CADPS2: variants seen among roughly 807,000 people sequenced by gnomAD.
CADPS2 encodes the protein calcium dependent secretion activator 2.
Under a neutral mutation model 172.5 loss-of-function variants are expected in CADPS2, and 93 were observed. The ratio of observed to expected loss-of-function variants is 0.54; its 90% CI spans 0.46 to 0.64. The LOEUF is 0.64. Ranked by LOEUF, CADPS2 falls within the 30% of genes least tolerant of loss-of-function variation. The pLI is 0.00. For synonymous variants in CADPS2, 546 were observed against 555.2 expected, an observed-to-expected ratio of 0.98 and a Z score of 0.23; for missense variants, 1,420 against 1,565.9, an observed-to-expected ratio of 0.91 and a Z score of 1.57.
intron 8 of CADPS2, among the ~76,000 whole-genome samples, chr7:122,537,431 T>C (rs2062421811): frequency 6.6e-6 from 1 of 151,470 alleles, no homozygotes; most frequent in South Asian, 2.1e-4. Context: ...GAGAATGAAA[T>C]TAAAGATAAA....
intron 27 of CADPS2, among the ~76,000 whole-genome samples, chr7:122,348,788 G>A (rs1484370032): frequency 6.6e-6 from 1 of 152,114 alleles, no homozygotes; most frequent in Non-Finnish European, 1.5e-5. Flanking sequence ...AATTAGAATT[G>A]TAGTTCTTTA....
chr7:122,851,063 G>A (rs1487775752), intron 1 of CADPS2, among the ~76,000 whole-genome samples: 1 of 152,174 alleles, frequency 6.6e-6, no homozygotes, highest in Non-Finnish European at 1.5e-5. Flanking sequence ...TCACTGTAAT[G>A]AGTTATAATT....
chr7:122,333,604 C>T (rs1585069746), intron 28 of CADPS2, among the ~76,000 whole-genome samples: 1 of 152,210 alleles, frequency 6.6e-6, no homozygotes, highest in African/African-American at 2.4e-5. Context: ...GCCTTTAAGA[C>T]TCAGCTCAAT....
At chr7:122,446,971 T>G (rs2052306893) in intron 15 of CADPS2, among the ~76,000 whole-genome samples, 1 of 152,070 alleles carries the variant, frequency 6.6e-6, no homozygotes, top group Non-Finnish European at 1.5e-5. Context: ...TTTAAATTGT[T>G]TTGGGTGGGA....
At chr7:122,629,877 A>G (rs1413949908) in intron 3 of CADPS2, among the ~76,000 whole-genome samples, 6 of 152,128 alleles carry the variant, frequency 3.9e-5, no homozygotes, top group Admixed American at 3.9e-4. Context: ...TTGGCACCAT[A>G]TTAGAAATCC....
chr7:122,447,162 T>G (rs755988200), intron 15 of CADPS2, among the ~76,000 whole-genome samples: 2 of 151,754 alleles, frequency 1.3e-5, no homozygotes, highest in Admixed American at 6.6e-5. Context: ...CTACATTACA[T>G]TAGTTATGAG....
intron 3 of CADPS2, among the ~76,000 whole-genome samples, chr7:122,636,571 T>C (rs1324428159): frequency 6.7e-6 from 1 of 148,664 alleles, no homozygotes; most frequent in Non-Finnish European, 1.5e-5. Flanking sequence ...GTTCAAGCAA[T>C]TCTCCTGCCT....
chr7:122,693,297 C>G (rs1224349560), intron 2 of CADPS2, among the ~76,000 whole-genome samples: 1 of 152,180 alleles, frequency 6.6e-6, no homozygotes, highest in African/African-American at 2.4e-5. Context: ...AGTTGAAATT[C>G]TGCCCTTCAT....
chr7:122,699,489 A>G (rs2136221805), intron 2 of CADPS2, among the ~76,000 whole-genome samples: 1 of 152,356 alleles, frequency 6.6e-6, no homozygotes, highest in South Asian at 2.1e-4. Flanking sequence ...GATGTGAGGC[A>G]AAAGTGGTGA....
chr7:122,663,396 G>A lies in CADPS2; in HGVS notation c.627C>T (p.Ala209=), dbSNP rs113324996. ...ACAAGTCCTCTTCACCTCTGTAAAT[G>A]GCATCATATTTGGCTATCCATGAGC... ...VLSSWIAKYD[A]IYRGEEDLCK... The change falls in exon 3 of 30, where the codon GCC becomes GCT. Residue 209 remains alanine, a synonymous_variant. Coordinates refer to ENST00000449022, the MANE Select transcript of CADPS2 (RefSeq NM_017954.11). The A allele has an allele frequency of 2.3e-4, 378 of 1,613,870 alleles. No individual in the cohort carries two copies. The African/African-American group carries it at 4.4e-3, about 19-fold the overall frequency.
intron 3 of CADPS2, among the ~76,000 whole-genome samples, chr7:122,634,685 T>C (rs998488875): frequency 2.0e-5 from 3 of 152,164 alleles, no homozygotes; most frequent in Non-Finnish European, 4.4e-5. Context: ...TGATTTTAGT[T>C]ATTTCTTCTG....
chr7:122,692,094 C>A (rs747636733), intron 2 of CADPS2, among the ~76,000 whole-genome samples: 17 of 152,188 alleles, frequency 1.1e-4, no homozygotes, highest in Non-Finnish European at 2.1e-4. Context: ...TACACTTCCA[C>A]CTGACTGCAG....
chr7:122,720,747 G>A (rs911884005), intron 2 of CADPS2, among the ~76,000 whole-genome samples: 2 of 151,874 alleles, frequency 1.3e-5, no homozygotes, highest in Non-Finnish European at 2.9e-5. Flanking sequence ...CCTAGTTTCA[G>A]ATTGAAAACT....
chr7:122,673,875 T>C (rs547448563), intron 2 of CADPS2, among the ~76,000 whole-genome samples: 23 of 139,868 alleles, frequency 1.6e-4, no homozygotes, highest in East Asian at 1.4e-3. Context: ...GTGGTGCCTG[T>C]TGGGGAGGCT....
chr7:122,653,766 G>A (rs1046589557), intron 3 of CADPS2, among the ~76,000 whole-genome samples: 1 of 152,080 alleles, frequency 6.6e-6, no homozygotes, highest in Non-Finnish European at 1.5e-5. Flanking sequence ...TCTGTGATCC[G>A]TGATCTTTGA....
intron 27 of CADPS2, among the ~76,000 whole-genome samples, chr7:122,347,174 A>G: frequency 6.6e-6 from 1 of 152,188 alleles, no homozygotes; most frequent in East Asian, 1.9e-4. Flanking sequence ...GTTAAAGAGG[A>G]TATGGGTCAT....
intron 27 of CADPS2, among the ~76,000 whole-genome samples, chr7:122,351,099 T>C (rs926123969): frequency 6.6e-6 from 1 of 151,320 alleles, no homozygotes; most frequent in Non-Finnish European, 1.5e-5. Context: ...GGCGTGGTGA[T>C]TCATGCCTGT....
chr7:122,434,416 A>G (rs1005597706), intron 17 of CADPS2, among the ~76,000 whole-genome samples: 4 of 152,194 alleles, frequency 2.6e-5, no homozygotes, highest in Non-Finnish European at 5.9e-5. Flanking sequence ...TGCTTATAAC[A>G]TTGCATACAA....
chr7:122,463,150 ATTTTT>A (rs35813925), intron 14 of CADPS2, among the ~76,000 whole-genome samples: 1 of 151,384 alleles, frequency 6.6e-6, no homozygotes, highest in South Asian at 2.1e-4. Context: ...GAATACATAT[ATTTTT>A]TTTTAAGTGA....
Sources: allele counts gnomAD v4.1 joint callset (sites outside exome capture counted in the v4.1 genomes callset), GRCh38; gene constraint gnomAD v4.1.1; transcripts MANE v1.5; gene names NCBI Gene and HGNC (gene_info 2026-07-23, HGNC 2026-07-21).